Variants in FBRSL1 observed in about 807,000 individuals in gnomAD.
The protein encoded by FBRSL1 is fibrosin-1-like protein.
FBRSL1 carries 51 observed loss-of-function variants against 89.6 expected under a neutral mutation model. That is an observed-to-expected ratio of 0.57 (90% CI 0.45 to 0.72). The LOEUF (loss-of-function observed/expected upper bound fraction) is 0.72, where lower values mean the gene tolerates loss of function less well. Ranked by LOEUF, FBRSL1 falls within the 30% of genes least tolerant of loss-of-function variation. FBRSL1 has a pLI of 0.00. For missense variants in FBRSL1, 1,618 were observed against 1,451.8 expected (o/e 1.11, Z -1.86); for synonymous variants, 779 against 681.1 (o/e 1.14, Z -2.24).
At chr12:132,515,237 C>T (rs1482579802) in intron 2 of FBRSL1, among the ~76,000 whole-genome samples, 1 of 152,190 alleles carries the variant, frequency 6.6e-6, no homozygotes, top group African/African-American at 2.4e-5. Context: ...GACACACCAG[C>T]TTCTGTCTTT....
chr12:132,571,858 C>G, intron 9 of FBRSL1: 1 of 330,236 alleles, frequency 3.0e-6, no homozygotes, highest in Non-Finnish European at 5.5e-6. Context: ...ACTCAGGGTG[C>G]CTCCCGTGTT....
intron 4 of FBRSL1, among the ~76,000 whole-genome samples, chr12:132,528,439 C>G (rs534438173): frequency 1.3e-5 from 2 of 152,152 alleles, no homozygotes; most frequent in Middle Eastern, 3.2e-3. Context: ...ATGCCCTGAC[C>G]GGCACCTGCC....
rs556233285 is a variant in FBRSL1, at chr12:132,581,843, G to GCC, written c.1996+24_1996+25dup. On this transcript the variant is annotated intron_variant, in intron 17 of 18. Transcript: ENST00000680143. ...GCACTGGGTGAGTGACCCAGCCTGT[G>GCC]CCCCCCTCCCCCGATGCCCGCGCCC... 1 of 1,524,976 alleles carries GCC rather than the reference G, an allele frequency of 6.6e-7. No individual in the cohort carries two copies. The highest frequency in any genetic ancestry group is 1.4e-5 in the African/African-American group (1 of 72,478). The allele number at this position is 1,524,976 out of a possible 1,614,324, so 94.5% of individuals were successfully genotyped here. A position where few individuals can be genotyped will look rare whatever the true frequency, so the allele number is the denominator to read the frequency against.
At chr12:132,514,252 G>T (rs1210181040) in intron 2 of FBRSL1, among the ~76,000 whole-genome samples, 1 of 152,176 alleles carries the variant, frequency 6.6e-6, no homozygotes, top group African/African-American at 2.4e-5. Context: ...ATGTTCAGAG[G>T]CCAGAAGGCA....
chr12:132,508,092 G>A, intron 1 of FBRSL1, 61 bp from the exon 2 acceptor site: 2 of 1,529,638 alleles, frequency 1.3e-6, no homozygotes. Flanking sequence ...GGTGGGTGCT[G>A]TCCTGGGCCC....
At chr12:132,501,715 T>A (rs2032988918) in intron 1 of FBRSL1, among the ~76,000 whole-genome samples, 1 of 152,166 alleles carries the variant, frequency 6.6e-6, no homozygotes, top group South Asian at 2.1e-4. Context: ...GACAGGGGCC[T>A]CTGGAGAGGG....
intron 4 of FBRSL1, among the ~76,000 whole-genome samples, chr12:132,537,341 C>T (rs2036848920): frequency 6.6e-6 from 1 of 152,096 alleles, no homozygotes; most frequent in African/African-American, 2.4e-5. Flanking sequence ...GAGGTGGGTG[C>T]TTTCCCCACC....
intron 15 of FBRSL1, chr12:132,580,861 G>C: frequency 1.0e-6 from 1 of 985,386 alleles, no homozygotes; most frequent in Non-Finnish European, 1.2e-6. Context: ...CCCTGCAGCA[G>C]CCCCTCCCAG....
intron 2 of FBRSL1, 41 bp downstream of exon 2, chr12:132,508,391 C>T (rs1353220447): frequency 2.9e-6 from 4 of 1,390,158 alleles, no homozygotes; most frequent in African/African-American, 1.5e-5. Context: ...TGCGGCGGGT[C>T]AGTGCTCACC....
chr12:132,562,614 G>T (rs1285820097), intron 5 of FBRSL1, among the ~76,000 whole-genome samples: 3 of 49,056 alleles, frequency 6.1e-5, no homozygotes, highest in African/African-American at 3.1e-4. Context: ...TAGCGTCAGT[G>T]CCAGGAGCTC....
At chr12:132,547,787 C>T (rs924421863) in intron 4 of FBRSL1, among the ~76,000 whole-genome samples, 3 of 152,172 alleles carry the variant, frequency 2.0e-5, no homozygotes, top group African/African-American at 4.8e-5. Context: ...CCATCCCACC[C>T]GGGGGGCTGT....
At chr12:132,528,249 G>A (rs890255538) in intron 4 of FBRSL1, among the ~76,000 whole-genome samples, 2 of 152,102 alleles carry the variant, frequency 1.3e-5, no homozygotes, top group African/African-American at 2.4e-5. Flanking sequence ...CCAGGGGGAC[G>A]GGCTGGCCCT....
chr12:132,574,694 C>A lies in FBRSL1; in HGVS notation c.1701+130C>A, dbSNP rs1000607454. 3 of 1,176,384 alleles carry A rather than the reference C, an allele frequency of 2.6e-6. No homozygotes were observed. In the African/African-American group the frequency reaches 4.6e-5, roughly 18 times the overall value. The allele number at this position is 1,176,384 out of a possible 1,614,324, so 72.9% of individuals were successfully genotyped here. On this transcript the variant is annotated intron_variant, in intron 14 of 18. Transcript: ENST00000680143. ...GGGTGTGATCCTCACGCGTGAGCCG[C>A]CTGCCCCTTCCTCTGGGTACTGGGC...
intron 4 of FBRSL1, among the ~76,000 whole-genome samples, chr12:132,534,930 G>A (rs978061285): frequency 1.2e-4 from 19 of 152,234 alleles, no homozygotes; most frequent in Admixed American, 2.0e-4. Flanking sequence ...TCCCTGCAGC[G>A]CTCCCAGGTA....
At chr12:132,530,595 A>G (rs2036176736) in intron 4 of FBRSL1, among the ~76,000 whole-genome samples, 1 of 151,928 alleles carries the variant, frequency 6.6e-6, no homozygotes, top group East Asian at 1.9e-4. Flanking sequence ...GTCTCCACTC[A>G]TTATTCAAGT....
intron 2 of FBRSL1, chr12:132,510,640 CTACAGTGCCACGA>C: frequency 8.1e-7 from 1 of 1,230,210 alleles, no homozygotes; most frequent in Non-Finnish European, 1.0e-6. Context: ...GCGGGAGCCC[CTACAGTGCCACGA>C]TCAGGCTGAG....
rs753915088 is a variant in FBRSL1 at position 132,519,446 on chromosome 12, T to A, written c.490-6288T>A. ...GGGTCCTGGAGACAGACAACAGAGTTTCCCTCATTCTGGAGCTTCTGACTC... is the reference window on the plus strand; with the variant it reads ...GGGTCCTGGAGACAGACAACAGAGTATCCCTCATTCTGGAGCTTCTGACTC... On this transcript the variant is annotated intron_variant, in intron 2 of 18. Coordinates refer to ENST00000680143, the MANE Select transcript of FBRSL1 (RefSeq NM_001367871.1). Among the ~76,000 whole-genome samples the A allele has an allele frequency of 3.4e-4, 51 of 152,188 alleles. 1 individual carries two copies. Among genetic ancestry groups the A allele is most frequent in the Non-Finnish European group, 5.1e-4 (35 of 68,028 alleles).
intron 2 of FBRSL1, chr12:132,510,672 C>T (rs1480208525): frequency 2.4e-6 from 3 of 1,229,070 alleles, no homozygotes; most frequent in African/African-American, 3.1e-5. Flanking sequence ...AGGCTCACCA[C>T]ACCAGGAAGA....
chr12:132,518,585 T>C (rs1340432270), intron 2 of FBRSL1, among the ~76,000 whole-genome samples: 1 of 148,614 alleles, frequency 6.7e-6, no homozygotes, highest in Non-Finnish European at 1.5e-5. Flanking sequence ...TGGCCATCCA[T>C]CCACCCATCT....
Sources: allele counts gnomAD v4.1 joint callset (sites outside exome capture counted in the v4.1 genomes callset), GRCh38; gene constraint gnomAD v4.1.1; transcripts MANE v1.5; gene names NCBI Gene and HGNC (gene_info 2026-07-23, HGNC 2026-07-21).